The following CCDC148 variants were observed in gnomAD, a reference collection of about 807,000 sequenced individuals.
CCDC148 encodes the protein coiled-coil domain-containing protein 148.
A neutral mutation model predicts 85.7 loss-of-function variants in CCDC148; 89 were observed. The observed-to-expected ratio is 1.04, with a 90% CI of 0.87 to 1.24. CCDC148 has a LOEUF of 1.24. Ranked by LOEUF, CCDC148 falls within the 50% of genes most tolerant of loss-of-function variation. The pLI is 0.00. For missense variants in CCDC148, 692 were observed against 671.7 expected (o/e 1.03, Z -0.33); for synonymous variants, 230 against 213.9 (o/e 1.08, Z -0.66).
chr2:158,403,785 A>G lies in CCDC148; in HGVS notation c.26-45215T>C, dbSNP rs575223809. On this transcript the variant is annotated intron_variant, in intron 1 of 13. Coordinates refer to ENST00000283233, the MANE Select transcript of CCDC148 (RefSeq NM_138803.4). ...AAAAGAATGTATTTATTTAGTTGAC[A>G]GATGAATGGGCTGAATAAATTTAAG... Among the ~76,000 whole-genome samples the G allele has an allele frequency of 2.0e-5, 3 of 152,254 alleles. No individual in the cohort carries two copies. The South Asian group carries it at 6.2e-4, about 32-fold the overall frequency.
At chr2:158,193,035 C>T (rs2105274663) in intron 11 of CCDC148, among the ~76,000 whole-genome samples, 1 of 152,150 alleles carries the variant, frequency 6.6e-6, no homozygotes, top group East Asian at 1.9e-4. Flanking sequence ...GTCACAACTC[C>T]TCTCTGCCAG....
intron 1 of CCDC148, among the ~76,000 whole-genome samples, chr2:158,364,743 T>C (rs1409704286): frequency 1.3e-5 from 2 of 152,168 alleles, no homozygotes; most frequent in Non-Finnish European, 2.9e-5. Flanking sequence ...ATTCAGGACA[T>C]AGGCATGGGC....
intron 11 of CCDC148, among the ~76,000 whole-genome samples, chr2:158,181,588 T>C (rs1299937628): frequency 6.6e-6 from 1 of 151,986 alleles, no homozygotes; most frequent in Non-Finnish European, 1.5e-5. Context: ...GTATCTATAA[T>C]AGGAGGAAGT....
chr2:158,311,487 G>T (rs1487328129), intron 8 of CCDC148, among the ~76,000 whole-genome samples: 1 of 152,174 alleles, frequency 6.6e-6, no homozygotes, highest in Non-Finnish European at 1.5e-5. Flanking sequence ...GGGAGAGGGG[G>T]AGACCGTGGA....
intron 1 of CCDC148, among the ~76,000 whole-genome samples, chr2:158,430,482 A>G (rs1294587678): frequency 1.3e-5 from 2 of 152,242 alleles, no homozygotes; most frequent in Non-Finnish European, 2.9e-5. Context: ...AATGAACAAA[A>G]TAAAAATCCG....
chr2:158,395,061 TA>T, intron 1 of CCDC148, among the ~76,000 whole-genome samples: 1 of 152,274 alleles, frequency 6.6e-6, no homozygotes, highest in Middle Eastern at 3.4e-3. Flanking sequence ...ATAATAGTTT[TA>T]TTTTAGAAAC....
At chr2:158,268,011 G>A (rs909283452) in intron 9 of CCDC148, among the ~76,000 whole-genome samples, 1 of 152,088 alleles carries the variant, frequency 6.6e-6, no homozygotes, top group African/African-American at 2.4e-5. Context: ...AGGACGTTTG[G>A]GTTGTTTCCA....
intron 9 of CCDC148, among the ~76,000 whole-genome samples, chr2:158,278,242 T>C (rs2105170694): frequency 6.6e-6 from 1 of 152,112 alleles, no homozygotes; most frequent in Admixed American, 6.5e-5. Context: ...AGGTACCGGG[T>C]TCATCTCACT....
intron 1 of CCDC148, among the ~76,000 whole-genome samples, chr2:158,411,056 A>T (rs1686235830): frequency 6.6e-6 from 1 of 152,178 alleles, no homozygotes; most frequent in South Asian, 2.1e-4. Context: ...TCTTCTAAGA[A>T]GTCTACTGGT....
At chr2:158,220,323 G>A (rs1687107982) in intron 11 of CCDC148, among the ~76,000 whole-genome samples, 1 of 152,186 alleles carries the variant, frequency 6.6e-6, no homozygotes, top group Non-Finnish European at 1.5e-5. Flanking sequence ...ATCATTTTAT[G>A]CACACAGTGG....
At chr2:158,426,081 ATCC>A (rs1687064847) in intron 1 of CCDC148, among the ~76,000 whole-genome samples, 1 of 151,276 alleles carries the variant, frequency 6.6e-6, no homozygotes, top group Non-Finnish European at 1.5e-5. Context: ...CTTAGTAAAA[ATCC>A]AAATAAATAT....
chr2:158,433,362 C>T (rs902355570), intron 1 of CCDC148, among the ~76,000 whole-genome samples: 1 of 151,172 alleles, frequency 6.6e-6, no homozygotes, highest in East Asian at 1.9e-4. Flanking sequence ...TGTTCAGAAA[C>T]TCAAGTTGCA....
intron 11 of CCDC148, among the ~76,000 whole-genome samples, chr2:158,183,281 G>A (rs1684992535): frequency 6.6e-6 from 1 of 152,152 alleles, no homozygotes; most frequent in African/African-American, 2.4e-5. Flanking sequence ...ATGTAGAAAT[G>A]GAGAATTTAT....
chr2:158,330,687 G>T (rs909577681), intron 7 of CCDC148, among the ~76,000 whole-genome samples: 7 of 152,096 alleles, frequency 4.6e-5, no homozygotes, highest in Admixed American at 6.5e-5. Context: ...CAATTTCAGA[G>T]CCTGTTATTG....
chr2:158,406,613 C>CTTTTTTTTTTTTTTTTTTTT (rs61612452), intron 1 of CCDC148, among the ~76,000 whole-genome samples: 2 of 31,454 alleles, frequency 6.4e-5, no homozygotes, highest in African/African-American at 9.8e-5. Context: ...GATTAAATTT[C>CTTTTTTTTTTTTTTTTTTTT]TTTTTTTTTT....
intron 1 of CCDC148, among the ~76,000 whole-genome samples, chr2:158,437,486 TAAG>T (rs1431630115): frequency 8.5e-5 from 13 of 152,246 alleles, no homozygotes; most frequent in Non-Finnish European, 5.9e-5. Context: ...CTCAAAATAA[TAAG>T]AACTATCTAT....
chr2:158,349,893 A>T (rs1683175567), intron 2 of CCDC148, among the ~76,000 whole-genome samples: 1 of 152,154 alleles, frequency 6.6e-6, no homozygotes, highest in Non-Finnish European at 1.5e-5. Flanking sequence ...CCTCATCATC[A>T]TGAATCTACG....
At chr2:158,439,293 G>A (rs923840628) in intron 1 of CCDC148, among the ~76,000 whole-genome samples, 1 of 152,174 alleles carries the variant, frequency 6.6e-6, no homozygotes, top group Non-Finnish European at 1.5e-5. Flanking sequence ...ATACTATGCA[G>A]CCATAAAAAA....
At chr2:158,440,659 G>A (rs11693357) in intron 1 of CCDC148, among the ~76,000 whole-genome samples, 52,245 of 152,016 alleles carry the variant, frequency 0.34, 10,217 homozygotes, top group Middle Eastern at 0.47. Flanking sequence ...TTATAGCAAC[G>A]TACTATAATA....
Sources: gnomAD v4.1 joint callset for allele counts (sites outside exome capture counted in the v4.1 genomes callset) on GRCh38, gnomAD v4.1.1 for gene constraint, MANE v1.5 for transcripts, NCBI Gene and HGNC (gene_info 2026-07-23, HGNC 2026-07-21) for gene names.